SEMA4D: variants seen among roughly 807,000 people sequenced by gnomAD.
The protein encoded by SEMA4D is semaphorin-4D.
SEMA4D carries 22 observed loss-of-function variants against 74.8 expected under a neutral mutation model. The observed-to-expected ratio is 0.29, with a 90% confidence interval of 0.21 to 0.42. The LOEUF is 0.42. SEMA4D is among the 10% of genes least tolerant of loss of function. The pLI is 1.00. For missense variants in SEMA4D, 937 were observed against 1,118.4 expected (o/e 0.84, Z 2.31); for synonymous variants, 445 against 463.7 (o/e 0.96, Z 0.52).
rs1211401057 is a variant in SEMA4D, at chr9:89,379,187, C to G, written c.2106G>C (p.Ala702=). 1.2e-6 allele frequency: 2 copies of G among 1,613,874 alleles called. No individual in the cohort carries two copies. The highest frequency in any genetic ancestry group is 4.5e-5 in the East Asian group (2 of 44,872). The change falls in exon 16 of 16, where the codon GCG becomes GCC. Residue 702 remains alanine, a synonymous_variant. Coordinates refer to ENST00000422704, the MANE Select transcript of SEMA4D (RefSeq NM_001371194.2). Reference sequence around the variant, plus strand: ...TTGGTTCGCAGGATGTGCCGGTGGGCGCAGGCTTGGGAGGAAGGGTGATGG... The same window carrying G: ...TTGGTTCGCAGGATGTGCCGGTGGGGGCAGGCTTGGGAGGAAGGGTGATGG... ...SGAITLPPKP[A]PTGTSCEPKI...
At chr9:89,369,708 G>T (rs1157730863) in intron 16 of SEMA4D, among the ~76,000 whole-genome samples, 1 of 152,238 alleles carries the variant, frequency 6.6e-6, no homozygotes, top group African/African-American at 2.4e-5. Flanking sequence ...AGGAACTTGG[G>T]TTCATCAGTT....
chr9:89,470,695 C>T (rs939374368), intron 1 of SEMA4D, among the ~76,000 whole-genome samples: 2 of 151,964 alleles, frequency 1.3e-5, no homozygotes, highest in African/African-American at 4.8e-5. Flanking sequence ...TTCAAACACA[C>T]AATGGACTTA....
intron 2 of SEMA4D, among the ~76,000 whole-genome samples, chr9:89,455,422 C>T (rs74975721): frequency 0.05 from 7,607 of 152,240 alleles, 462 homozygotes; most frequent in East Asian, 0.29. Context: ...AGCAACTGCC[C>T]ACCAGATCCC....
Position 89,388,893 on chromosome 9 carries a change from T to C in SEMA4D, c.929A>G (p.Tyr310Cys). The change falls in exon 10 of 16, where the codon TAT (tyrosine) becomes TGT (cysteine). Residue 310 changes from tyrosine to cysteine, a missense_variant. Tyr to Cys is a radical substitution (Grantham distance 194). Coordinates refer to ENST00000422704, the MANE Select transcript of SEMA4D (RefSeq NM_001371194.2). ...RSPGLKVPVF[Y>C]ALFTPQLNNV... The stretch of plus-strand genomic sequence containing the variant: ...TTACAGCTGTGGGGTGAAGAGTGCA[T>C]AGAACACAGGCACCTTCAGGCCCGG... 1.2e-6 allele frequency: 2 copies of C among 1,613,986 alleles called. No homozygotes were observed. Among genetic ancestry groups the C allele is most frequent in the Non-Finnish European group, 1.7e-6 (2 of 1,180,002 alleles).
intron 18 of SEMA4D, chr9:89,362,434 A>G (rs1213269595): frequency 6.2e-7 from 1 of 1,613,888 alleles, no homozygotes; most frequent in Admixed American, 1.7e-5. Flanking sequence ...CTTTCCTGAA[A>G]GAACAATGTG....
chr9:89,420,023 G>A (rs4074459), intron 2 of SEMA4D, among the ~76,000 whole-genome samples: 2 of 152,026 alleles, frequency 1.3e-5, no homozygotes, highest in South Asian at 2.1e-4. Context: ...TTTAAGACAC[G>A]TATCATATTC....
At chr9:89,362,447 C>A (rs374909695) in intron 18 of SEMA4D, 2 of 1,613,856 alleles carry the variant, frequency 1.2e-6, no homozygotes, top group Middle Eastern at 1.6e-4. Context: ...ACAATGTGGT[C>A]TTTGAATCCT....
intron 2 of SEMA4D, among the ~76,000 whole-genome samples, chr9:89,414,731 A>T (rs563434925): frequency 7.7e-4 from 118 of 152,318 alleles, no homozygotes; most frequent in African/African-American, 2.8e-3. Context: ...GGATCCCTGG[A>T]GACCAACACT....
intron 2 of SEMA4D, among the ~76,000 whole-genome samples, chr9:89,428,375 G>A (rs891609600): frequency 6.6e-6 from 1 of 152,220 alleles, no homozygotes; most frequent in Non-Finnish European, 1.5e-5. Flanking sequence ...AAGGACGAGG[G>A]CAAGACCCAT....
intron 1 of SEMA4D, among the ~76,000 whole-genome samples, chr9:89,485,789 AAAAAAAAAAAAAAAAAAAAAAAAAAG>A (rs1825144428): frequency 1.3e-4 from 1 of 7,622 alleles, no homozygotes; most frequent in African/African-American, 3.2e-4. Flanking sequence ...ACTCCATCTC[AAAAAAAAAAAAAAAAAAAAAAAAAAG>A]AAAAAAAAAA....
chr9:89,378,591 G>C lies in SEMA4D; in HGVS notation c.*113C>G. The C allele has an allele frequency of 1.4e-6, 1 of 733,592 alleles. No individual in the cohort carries two copies. 45.4% of individuals were successfully genotyped at this position (733,592 alleles called of 1,614,324 possible). A position where few individuals can be genotyped will look rare whatever the true frequency, so the allele number is the denominator to read the frequency against. On this transcript the variant is annotated 3_prime_UTR_variant, in exon 16 of 16. Transcript: ENST00000422704. ...AGGACTGAGGTTGTCTGCACGATGC[G>C]GGCTAACCTACGCAGCACTGCACGA...
intron 2 of SEMA4D, among the ~76,000 whole-genome samples, chr9:89,416,099 A>C (rs887376000): frequency 5.3e-5 from 8 of 152,230 alleles, no homozygotes; most frequent in Non-Finnish European, 1.0e-4. Context: ...TTAAAATAAA[A>C]TACCCATTAT....
In SEMA4D at chr9:89,439,938, A is replaced by G. The variant is rs1292854182; in HGVS notation, c.-244+15950T>C. ...TTACTTTAGCCCACAAACATGCCAT[A>G]TAGTCATTCTACATTGGCACACTGC... is the stretch of plus-strand genomic sequence containing the variant. On this transcript the variant is annotated intron_variant, in intron 2 of 15. Transcript: ENST00000422704. Among the ~76,000 whole-genome samples, 21 of 152,344 alleles carry G rather than the reference A, an allele frequency of 1.4e-4. No individual in the cohort carries two copies. In the South Asian group the frequency reaches 3.7e-3, roughly 27 times the overall value.
intron 2 of SEMA4D, among the ~76,000 whole-genome samples, chr9:89,452,182 G>GGT (rs1554777538): frequency 6.6e-5 from 9 of 135,432 alleles, no homozygotes; most frequent in African/African-American, 2.5e-4. Flanking sequence ...GGTTTTTTTT[G>GGT]TTTTTTTTTT....
rs75888216 is a variant in SEMA4D, at chr9:89,451,271, ACTC to A, written c.-244+4614_-244+4616del. Among the ~76,000 whole-genome samples the A allele has an allele frequency of 5.9e-4, 89 of 151,970 alleles. No homozygotes were observed. In the East Asian group the frequency reaches 0.015, roughly 26 times the overall value. Reference sequence around the variant, plus strand: ...AGATAGTTTTTATTCGGTGTGGCCGACTCCTCATCTGATTCAGGCTGTCAGTCA... The same window carrying A: ...AGATAGTTTTTATTCGGTGTGGCCGACTCATCTGATTCAGGCTGTCAGTCA... On this transcript the variant is annotated intron_variant, in intron 2 of 15. Coordinates refer to ENST00000422704, the MANE Select transcript of SEMA4D (RefSeq NM_001371194.2).
At chr9:89,366,898 G>A (rs1454000792) in intron 16 of SEMA4D, among the ~76,000 whole-genome samples, 1 of 152,112 alleles carries the variant, frequency 6.6e-6, no homozygotes, top group Non-Finnish European at 1.5e-5. Flanking sequence ...AGGTTCTCAT[G>A]ACCAAGCCCT....
downstream of SEMA4D, among the ~76,000 whole-genome samples, chr9:89,373,617 A>G (rs1835408174): frequency 1.3e-5 from 2 of 152,232 alleles, no homozygotes; most frequent in East Asian, 3.8e-4. Context: ...ACACTTTGCT[A>G]GCCCTTTAAT....
chr9:89,476,022 G>A (rs989748807), intron 1 of SEMA4D, among the ~76,000 whole-genome samples: 5 of 152,184 alleles, frequency 3.3e-5, no homozygotes, highest in African/African-American at 4.8e-5. Flanking sequence ...AGTGGTGACC[G>A]GAATGAAGCA....
chr9:89,478,172 G>T (rs531063007), intron 1 of SEMA4D, among the ~76,000 whole-genome samples: 1 of 152,332 alleles, frequency 6.6e-6, no homozygotes, highest in East Asian at 1.9e-4. Context: ...CTTGTGTGCT[G>T]TAACAGGTTG....
Sources: allele counts gnomAD v4.1 joint callset (sites outside exome capture counted in the v4.1 genomes callset), GRCh38; gene constraint gnomAD v4.1.1; transcripts MANE v1.5; gene names NCBI Gene and HGNC (gene_info 2026-07-23, HGNC 2026-07-21).